Variants in RNLS observed in about 807,000 individuals in gnomAD.
RNLS encodes the protein renalase.
RNLS carries 39 observed loss-of-function variants against 39.8 expected under a neutral mutation model. The observed-to-expected ratio is 0.98, with a 90% CI of 0.76 to 1.28. The LOEUF is 1.28. Ranked by LOEUF, RNLS falls within the 50% of genes most tolerant of loss-of-function variation. The pLI is 0.00. For missense variants in RNLS, 410 were observed against 413.3 expected (o/e 0.99, Z 0.07); for synonymous variants, 147 against 150.7 (o/e 0.98, Z 0.18).
At chr10:88,561,513 A>C (rs555961490) in intron 4 of RNLS, among the ~76,000 whole-genome samples, 2 of 152,280 alleles carry the variant, frequency 1.3e-5, no homozygotes, top group South Asian at 4.1e-4. Context: ...AAAGACAAAA[A>C]ACAAAGCTAG....
intron 4 of RNLS, among the ~76,000 whole-genome samples, chr10:88,558,892 G>A (rs1449949113): frequency 1.3e-5 from 2 of 152,110 alleles, no homozygotes; most frequent in Non-Finnish European, 2.9e-5. Context: ...TAAGTTTGCA[G>A]GCAGCCCAAC....
intron 4 of RNLS, among the ~76,000 whole-genome samples, chr10:88,525,851 T>A (rs569155626): frequency 1.3e-5 from 2 of 152,260 alleles, no homozygotes; most frequent in East Asian, 3.9e-4. Context: ...CACAGTTTTA[T>A]CAGACACTAG....
intron 4 of RNLS, among the ~76,000 whole-genome samples, chr10:88,406,966 C>T (rs792202): frequency 0.16 from 25,046 of 151,922 alleles, 2,747 homozygotes; most frequent in Non-Finnish European, 0.25. Flanking sequence ...CCAAACATCG[C>T]GTGTTCTCAC....
intron 4 of RNLS, among the ~76,000 whole-genome samples, chr10:88,469,820 TGC>T (rs1209309836): frequency 3.4e-5 from 4 of 119,266 alleles, no homozygotes; most frequent in Non-Finnish European, 5.5e-5. Flanking sequence ...TTTATGTGTG[TGC>T]GTGTGTGTGT....
chr10:88,572,866 A>G (rs1849925904), intron 4 of RNLS, 37 bp downstream of exon 4: 1 of 1,602,742 alleles, frequency 6.2e-7, no homozygotes, highest in Non-Finnish European at 8.5e-7. Flanking sequence ...AAGAAATCCC[A>G]TTCCCTGAGG....
At chr10:88,436,246 A>C (rs569933949) in intron 4 of RNLS, among the ~76,000 whole-genome samples, 2 of 152,118 alleles carry the variant, frequency 1.3e-5, no homozygotes, top group African/African-American at 2.4e-5. Flanking sequence ...TTACTAAGTA[A>C]AAGTGTGATG....
chr10:88,320,341 T>C (rs1339941223), intron 5 of RNLS, among the ~76,000 whole-genome samples: 2 of 151,394 alleles, frequency 1.3e-5, no homozygotes, highest in Admixed American at 1.3e-4. Flanking sequence ...ACCATAAAAG[T>C]ACACATAAGG....
chr10:88,541,227 A>G (rs926047950), intron 4 of RNLS, among the ~76,000 whole-genome samples: 4 of 152,210 alleles, frequency 2.6e-5, no homozygotes, highest in African/African-American at 9.6e-5. Flanking sequence ...AGTTCCAATG[A>G]CAAGTTTAAT....
intron 4 of RNLS, among the ~76,000 whole-genome samples, chr10:88,443,169 A>T (rs1841827006): frequency 6.6e-6 from 1 of 152,142 alleles, no homozygotes; most frequent in Non-Finnish European, 1.5e-5. Flanking sequence ...CAATTTTATG[A>T]CTTTTGTCCC....
intron 4 of RNLS, among the ~76,000 whole-genome samples, chr10:88,455,933 C>T (rs1323163095): frequency 6.6e-6 from 1 of 152,176 alleles, no homozygotes; most frequent in Non-Finnish European, 1.5e-5. Flanking sequence ...CCATTAAAAG[C>T]CTCCCAAGAG....
intron 4 of RNLS, among the ~76,000 whole-genome samples, chr10:88,544,322 A>G (rs1163443649): frequency 6.6e-6 from 1 of 152,194 alleles, no homozygotes; most frequent in African/African-American, 2.4e-5. Context: ...ACATCTGCAT[A>G]GTTTTTCCCT....
In RNLS at chr10:88,314,712, T is replaced by C. The variant is rs969923050; in HGVS notation, c.701-71A>G. The C allele has an allele frequency of 2.9e-6, 4 of 1,383,770 alleles. No individual in the cohort carries two copies. The East Asian group carries it at 7.0e-5, about 24-fold the overall frequency. 85.7% of individuals were successfully genotyped at this position (1,383,770 alleles called of 1,614,324 possible). A position where few individuals can be genotyped will look rare whatever the true frequency, so the allele number is the denominator to read the frequency against. On this transcript the variant is annotated intron_variant, in intron 5 of 6. Transcript: ENST00000331772. ...AGGCAAGCATCTCTCAGGATTTCAA[T>C]TCAGACTTAAGAACTGATCACAATA...
intron 4 of RNLS, among the ~76,000 whole-genome samples, chr10:88,426,947 T>A (rs530221413): frequency 6.6e-6 from 1 of 152,190 alleles, no homozygotes; most frequent in African/African-American, 2.4e-5. Context: ...GCCTACATTA[T>A]TTTACTTTGT....
At chr10:88,575,124 G>GTATATATATA (rs1174268534) in intron 3 of RNLS, among the ~76,000 whole-genome samples, 7 of 98,910 alleles carry the variant, frequency 7.1e-5, no homozygotes, top group Admixed American at 1.2e-4. Context: ...GTTCTGCAAA[G>GTATATATATA]TATATATATA....
At chr10:88,470,173 T>G (rs1843437740) in intron 4 of RNLS, among the ~76,000 whole-genome samples, 1 of 152,130 alleles carries the variant, frequency 6.6e-6, no homozygotes, top group African/African-American at 2.4e-5. Context: ...CATGTTTTTT[T>G]TTAAGCTTTT....
intron 4 of RNLS, among the ~76,000 whole-genome samples, chr10:88,480,370 A>G (rs1844082744): frequency 6.6e-6 from 1 of 152,258 alleles, no homozygotes; most frequent in Non-Finnish European, 1.5e-5. Context: ...TTATAAGATC[A>G]TAAGTCAAGT....
At chr10:88,578,000 C>T (rs1389857778) in intron 3 of RNLS, among the ~76,000 whole-genome samples, 2 of 152,098 alleles carry the variant, frequency 1.3e-5, no homozygotes, top group East Asian at 1.9e-4. Flanking sequence ...GGGTTTTAAA[C>T]TCAACTAGAT....
chr10:88,340,652 T>C (rs1847862721), intron 5 of RNLS, among the ~76,000 whole-genome samples: 1 of 152,048 alleles, frequency 6.6e-6, no homozygotes. Flanking sequence ...ACTCCAGAAA[T>C]TTGTAGAAAT....
intron 4 of RNLS, among the ~76,000 whole-genome samples, chr10:88,567,483 G>A (rs1048906075): frequency 2.0e-5 from 3 of 152,180 alleles, no homozygotes; most frequent in African/African-American, 7.2e-5. Flanking sequence ...TGAATGTCCT[G>A]ACTGATGGCT....
Sources: allele counts gnomAD v4.1 joint callset (sites outside exome capture counted in the v4.1 genomes callset), GRCh38; gene constraint gnomAD v4.1.1; transcripts MANE v1.5; gene names NCBI Gene and HGNC (gene_info 2026-07-23, HGNC 2026-07-21).